The following SESTD1 variants were observed in gnomAD, a reference collection of about 807,000 sequenced individuals.
SESTD1 encodes the protein SEC14 domain and spectrin repeat-containing protein 1.
SESTD1 carries 43 observed loss-of-function variants against 101.7 expected under a neutral mutation model. That is an observed-to-expected ratio of 0.42 (90% confidence interval 0.33 to 0.55). The LOEUF (loss-of-function observed/expected upper bound fraction) is 0.55, where lower values mean the gene tolerates loss of function less well. SESTD1 is among the 20% of genes least tolerant of loss of function. The probability of loss-of-function intolerance (pLI) is 0.07; values close to 1 mark genes in which losing one functional copy is unlikely to be tolerated. For synonymous variants in SESTD1, 283 were observed against 286.8 expected, an observed-to-expected ratio of 0.99 and a Z score of 0.13; for missense variants, 647 against 815.1, an observed-to-expected ratio of 0.79 and a Z score of 2.51.
At chr2:179,150,892 T>C (rs942616989) in intron 6 of SESTD1, among the ~76,000 whole-genome samples, 2 of 152,238 alleles carry the variant, frequency 1.3e-5, no homozygotes, top group African/African-American at 4.8e-5. Flanking sequence ...ATGCTACTAA[T>C]GACAGAACAG....
chr2:179,112,971 A>C (rs890201733), intron 16 of SESTD1, 126 bp from the exon 17 acceptor site: 10 of 1,291,782 alleles, frequency 7.7e-6, no homozygotes, highest in Non-Finnish European at 9.3e-6. Flanking sequence ...AAGCTCATAC[A>C]AATTTGGTAG....
rs1043568949 is a variant in SESTD1 at position 179,108,945 on chromosome 2, T to C, written c.*954A>G. 2.6e-5 allele frequency: 4 copies of C among 152,160 alleles called. No individual in the cohort carries two copies. The highest frequency in any genetic ancestry group is 2.6e-4 in the Admixed American group (4 of 15,284). The allele number at this position is 152,160 out of a possible 1,614,324, so 9.4% of individuals were successfully genotyped here. A position where few individuals can be genotyped will look rare whatever the true frequency, so the allele number is the denominator to read the frequency against. ...TTTAGTTCCTGAAAGATTACTCTGATATAAAGGATTACACTGAAGTAATTA... is the reference window on the plus strand; with the variant it reads ...TTTAGTTCCTGAAAGATTACTCTGACATAAAGGATTACACTGAAGTAATTA... On this transcript the variant is annotated 3_prime_UTR_variant, in exon 18 of 18. Transcript: ENST00000428443.
At chr2:179,252,561 A>T (rs10209183) in intron 1 of SESTD1, among the ~76,000 whole-genome samples, 44,350 of 152,116 alleles carry the variant, frequency 0.29, 6,824 homozygotes, top group South Asian at 0.43. Flanking sequence ...CTCTATCAAA[A>T]CAGAAAAAGA....
chr2:179,225,895 G>T (rs1412990740), intron 1 of SESTD1, among the ~76,000 whole-genome samples: 2 of 152,130 alleles, frequency 1.3e-5, no homozygotes, highest in Admixed American at 1.3e-4. Context: ...TCCAACACAT[G>T]AATTTTGGGG....
intron 1 of SESTD1, among the ~76,000 whole-genome samples, chr2:179,248,371 T>C (rs2047264336): frequency 1.3e-5 from 2 of 152,194 alleles, no homozygotes; most frequent in South Asian, 4.1e-4. Context: ...ACACCAATTC[T>C]ACACCAGATA....
rs1172208375 is a variant in SESTD1, at chr2:179,211,503, C to A, written c.-25-19637G>T. Among the ~76,000 whole-genome samples the A allele has an allele frequency of 6.8e-5, 9 of 133,256 alleles. 2 individuals carry two copies. Among genetic ancestry groups the A allele is most frequent in the African/African-American group, 2.4e-4 (8 of 33,500 alleles). 87.4% of individuals were successfully genotyped at this position (133,256 alleles called of 152,430 possible). On this transcript the variant is annotated intron_variant, in intron 1 of 17. Coordinates refer to ENST00000428443, the MANE Select transcript of SESTD1 (RefSeq NM_178123.5). ...GAACAAAATAGAGAACCCAGAAATA[C>A]GGCAAATATTTACAGCCAACTGAAC...
chr2:179,221,792 C>A (rs2046819074), intron 1 of SESTD1, among the ~76,000 whole-genome samples: 1 of 151,526 alleles, frequency 6.6e-6, no homozygotes, highest in African/African-American at 2.4e-5. Flanking sequence ...GTGGTATGCA[C>A]CTGTGTGGTC....
At chr2:179,194,109 G>A (rs574952227) in intron 1 of SESTD1, among the ~76,000 whole-genome samples, 2 of 152,164 alleles carry the variant, frequency 1.3e-5, no homozygotes, top group Admixed American at 6.5e-5. Context: ...CAACTAGCTG[G>A]ATGGGTTGAG....
intron 11 of SESTD1, 70 bp downstream of exon 11, chr2:179,124,294 G>C: frequency 6.9e-7 from 1 of 1,459,350 alleles, no homozygotes. Context: ...ATGCAAACCT[G>C]AAAAAAATTA....
intron 3 of SESTD1, 128 bp from the exon 4 acceptor site, chr2:179,176,666 A>G (rs1300734681): frequency 1.8e-6 from 1 of 546,816 alleles, no homozygotes; most frequent in Non-Finnish European, 3.0e-6. Flanking sequence ...TTTAGTTTAC[A>G]TTGTCAATAA....
In SESTD1 at chr2:179,214,323, T is replaced by A. The variant is rs2046690171; in HGVS notation, c.-25-22457A>T. Among the ~76,000 whole-genome samples, 3 of 132,468 alleles carry A rather than the reference T, an allele frequency of 2.3e-5. 1 individual carries two copies. The highest frequency in any genetic ancestry group is 9.0e-5 in the African/African-American group (3 of 33,180). 86.9% of individuals were successfully genotyped at this position (132,468 alleles called of 152,430 possible). Reference sequence around the variant, plus strand: ...AATGGAAAGCAAAAAAAAGCAAAGGTTGAAATCCTAGTCTCTGATAAAACA... The same window carrying A: ...AATGGAAAGCAAAAAAAAGCAAAGGATGAAATCCTAGTCTCTGATAAAACA... On this transcript the variant is annotated intron_variant, in intron 1 of 17. Coordinates refer to ENST00000428443, the MANE Select transcript of SESTD1 (RefSeq NM_178123.5).
intron 16 of SESTD1, 78 bp from the exon 17 acceptor site, chr2:179,112,923 A>G: frequency 1.4e-6 from 2 of 1,467,228 alleles, no homozygotes; most frequent in Non-Finnish European, 1.8e-6. Context: ...CCACCCCACA[A>G]AAAAAAAGAG....
At chr2:179,250,251 C>A (rs1052301512) in intron 1 of SESTD1, among the ~76,000 whole-genome samples, 15 of 152,182 alleles carry the variant, frequency 9.9e-5, no homozygotes, top group Middle Eastern at 3.4e-3. Context: ...AGAGGATATA[C>A]CGATGACAAG....
intron 1 of SESTD1, among the ~76,000 whole-genome samples, chr2:179,262,503 C>T (rs950279975): frequency 7.9e-5 from 12 of 152,108 alleles, no homozygotes; most frequent in African/African-American, 2.9e-4. Context: ...AAATATTCTA[C>T]TTTCCTCAAG....
chr2:179,226,990 T>C (rs1194163038), intron 1 of SESTD1, among the ~76,000 whole-genome samples: 2 of 152,208 alleles, frequency 1.3e-5, no homozygotes, highest in African/African-American at 4.8e-5. Flanking sequence ...TAGAGCATTA[T>C]CTACTTTGAG....
chr2:179,221,289 G>C (rs544482960), intron 1 of SESTD1, among the ~76,000 whole-genome samples: 1 of 151,332 alleles, frequency 6.6e-6, no homozygotes, highest in African/African-American at 2.4e-5. Flanking sequence ...TGTATGAGTT[G>C]CTTTCATCAG....
At chr2:179,119,347 A>T (rs1559098239) in intron 13 of SESTD1, among the ~76,000 whole-genome samples, 1 of 152,230 alleles carries the variant, frequency 6.6e-6, no homozygotes, top group Non-Finnish European at 1.5e-5. Context: ...CAAGTTTGGT[A>T]GCTGATGGTA....
chr2:179,201,766 A>C (rs2046518774), intron 1 of SESTD1, among the ~76,000 whole-genome samples: 2 of 120,836 alleles, frequency 1.7e-5, no homozygotes, highest in South Asian at 3.6e-4. Flanking sequence ...CACTCTGGGG[A>C]CTGTTGTGGG....
At chr2:179,116,893 G>T in intron 14 of SESTD1, 103 bp from the exon 15 acceptor site, 1 of 1,423,824 alleles carries the variant, frequency 7.0e-7, no homozygotes, top group South Asian at 1.4e-5. Context: ...TAATAAATCC[G>T]TTAATTATAA....
Sources: gnomAD v4.1 joint callset for allele counts (sites outside exome capture counted in the v4.1 genomes callset) on GRCh38, gnomAD v4.1.1 for gene constraint, MANE v1.5 for transcripts, NCBI Gene and HGNC (gene_info 2026-07-23, HGNC 2026-07-21) for gene names.